Variants in RYK observed in about 807,000 individuals in gnomAD.
The protein encoded by RYK is receptor like tyrosine kinase.
In RYK, 21 loss-of-function variants were observed where a neutral mutation model predicts 70.2. The ratio of observed to expected loss-of-function variants is 0.30; its 90% confidence interval spans 0.21 to 0.43. RYK has a LOEUF of 0.43. RYK is among the 20% of genes least tolerant of loss of function. The probability of loss-of-function intolerance (pLI) is 1.00; values close to 1 mark genes in which losing one functional copy is unlikely to be tolerated. For missense variants in RYK, 604 were observed against 753.3 expected, an observed-to-expected ratio of 0.80 and a Z score of 2.32; for synonymous variants, 267 against 278.0, an observed-to-expected ratio of 0.96 and a Z score of 0.39.
chr3:134,219,152 C>A (rs1198562826), intron 2 of RYK, among the ~76,000 whole-genome samples: 1 of 152,098 alleles, frequency 6.6e-6, no homozygotes, highest in Admixed American at 6.5e-5. Flanking sequence ...ACCAAGGCTT[C>A]TCCTAACCCA....
intron 9 of RYK, among the ~76,000 whole-genome samples, chr3:134,188,156 T>C (rs939081689): frequency 6.4e-5 from 3 of 46,814 alleles, no homozygotes; most frequent in Non-Finnish European, 1.6e-4. Flanking sequence ...TAACAATATA[T>C]ATATATATAT....
At chr3:134,168,538 G>A (rs543356374) in intron 13 of RYK, among the ~76,000 whole-genome samples, 12 of 147,602 alleles carry the variant, frequency 8.1e-5, no homozygotes, top group Non-Finnish European at 1.3e-4. Context: ...ACCAAACACC[G>A]CATGTTCACA....
chr3:134,236,642 T>G (rs536554817), intron 1 of RYK, among the ~76,000 whole-genome samples: 25 of 152,292 alleles, frequency 1.6e-4, no homozygotes, highest in African/African-American at 5.8e-4. Flanking sequence ...AGAACATAGT[T>G]GGAGGACTCA....
chr3:134,167,759 C>A (rs965907222), intron 13 of RYK, among the ~76,000 whole-genome samples: 37 of 152,184 alleles, frequency 2.4e-4, no homozygotes, highest in Admixed American at 4.6e-4. Flanking sequence ...GCAACAAAAG[C>A]CAAAATTGAC....
chr3:134,220,042 T>C (rs973545838), intron 2 of RYK, among the ~76,000 whole-genome samples: 2 of 152,140 alleles, frequency 1.3e-5, no homozygotes, highest in African/African-American at 4.8e-5. Context: ...ATGGGACAAA[T>C]TGGCACCTTG....
chr3:134,195,566 C>A (rs931931568), intron 6 of RYK, among the ~76,000 whole-genome samples: 1 of 152,198 alleles, frequency 6.6e-6, no homozygotes, highest in African/African-American at 2.4e-5. Flanking sequence ...GAAAGACAGG[C>A]CTCTTTCAAT....
chr3:134,164,706 T>A (rs777501931), intron 13 of RYK, among the ~76,000 whole-genome samples: 1 of 152,276 alleles, frequency 6.6e-6, no homozygotes, highest in Non-Finnish European at 1.5e-5. Context: ...AAAGCTGCTA[T>A]GAACATCTGC....
intron 9 of RYK, among the ~76,000 whole-genome samples, chr3:134,183,696 A>G (rs980921832): frequency 6.6e-6 from 1 of 152,230 alleles, no homozygotes; most frequent in Non-Finnish European, 1.5e-5. Context: ...CCCACTGCTA[A>G]GAGTCTCTGT....
intron 2 of RYK, among the ~76,000 whole-genome samples, chr3:134,221,683 A>T (rs1026791754): frequency 6.6e-6 from 1 of 152,194 alleles, no homozygotes; most frequent in African/African-American, 2.4e-5. Context: ...AAAACTCTAC[A>T]ATAGGTATTC....
intron 2 of RYK, among the ~76,000 whole-genome samples, chr3:134,213,921 A>G (rs557810465): frequency 6.6e-6 from 1 of 152,138 alleles, no homozygotes. Context: ...CTCCTGCCTC[A>G]GCCTCCCGAG....
In RYK at chr3:134,202,822, A is replaced by G. The variant is rs2014068264; in HGVS notation, c.696T>C (p.Ser232=). ...PTTSTRVFYI[S]VGVCCAVIFL... ...ATATTACTGCACAACAAACCCCTACACTAATATAAAACACACGCGTAGAAG... is the reference window on the plus strand; with the variant it reads ...ATATTACTGCACAACAAACCCCTACGCTAATATAAAACACACGCGTAGAAG... The change falls in exon 6 of 15, where the codon AGT becomes AGC. Residue 232 remains serine (S), a synonymous_variant. Transcript: ENST00000623711. 1 of 1,613,638 alleles carries G rather than the reference A, an allele frequency of 6.2e-7. No homozygotes were observed. The highest frequency in any genetic ancestry group is 8.5e-7 in the Non-Finnish European group (1 of 1,179,616).
chr3:134,221,650 ACTACT>A (rs1045914512), intron 2 of RYK, among the ~76,000 whole-genome samples: 5 of 152,210 alleles, frequency 3.3e-5, no homozygotes, highest in African/African-American at 9.6e-5. Flanking sequence ...TATGACAGAC[ACTACT>A]CTATAATACT....
At position 134,191,940 on chromosome 3, in the gene RYK, C is replaced by T; in HGVS notation, c.924G>A (p.Leu308=). Residue 308 remains leucine (L), a synonymous_variant, in exon 8 of 15, where the codon TTG becomes TTA. Coordinates refer to ENST00000623711, the MANE Select transcript of RYK (RefSeq NM_002958.4). ...TGGCCTCCAAAAGAGTGACACTTCT[C>T]AAGTCGTTCTTCTCTATCCGCAAGG... The part of the protein sequence containing the change: ...YPTLRIEKND[L]RSVTLLEAKG... The T allele has an allele frequency of 3.1e-6, 5 of 1,613,488 alleles. No homozygotes were observed. Among genetic ancestry groups the T allele is most frequent in the Non-Finnish European group, 4.2e-6 (5 of 1,179,668 alleles).
At chr3:134,173,266 C>T (rs1446880636) in intron 13 of RYK, among the ~76,000 whole-genome samples, 4 of 147,220 alleles carry the variant, frequency 2.7e-5, no homozygotes, top group South Asian at 2.3e-4. Flanking sequence ...GGTGATAGAG[C>T]GAGACTCTGT....
In RYK at chr3:134,185,658, T is replaced by C. The variant is rs147657694; in HGVS notation, c.1103-2587A>G. Among the ~76,000 whole-genome samples, 211 of 152,320 alleles carry C rather than the reference T, an allele frequency of 1.4e-3. 1 individual carries two copies. Among genetic ancestry groups the C allele is most frequent in the Admixed American group, 2.8e-3 (43 of 15,304 alleles). On this transcript the variant is annotated intron_variant, in intron 9 of 14. Transcript: ENST00000623711. The stretch of plus-strand genomic sequence containing the variant: ...CTCTTTCTATAACCTAAATAATTTC[T>C]AATGAAATTATGGCCAGGACTACTG...
chr3:134,222,053 G>A (rs1231456790), intron 2 of RYK, among the ~76,000 whole-genome samples: 7 of 152,104 alleles, frequency 4.6e-5, no homozygotes, highest in Non-Finnish European at 4.4e-5. Flanking sequence ...TGTCTAAAAA[G>A]CCTATCTTAC....
intron 4 of RYK, among the ~76,000 whole-genome samples, chr3:134,207,817 A>G (rs187537187): frequency 9.2e-5 from 14 of 152,346 alleles, no homozygotes; most frequent in Non-Finnish European, 1.6e-4. Context: ...AGTGAACATT[A>G]GAATATAAAG....
At chr3:134,209,591 A>G (rs1360292206) in intron 4 of RYK, 104 bp downstream of exon 4, 2 of 829,704 alleles carry the variant, frequency 2.4e-6, no homozygotes, top group Non-Finnish European at 3.5e-6. Flanking sequence ...ACTTGCAACT[A>G]TAATCATGAG....
At chr3:134,199,462 G>A (rs2013918640) in intron 6 of RYK, among the ~76,000 whole-genome samples, 1 of 152,166 alleles carries the variant, frequency 6.6e-6, no homozygotes, top group South Asian at 2.1e-4. Context: ...ACTGAGTCCC[G>A]CCTGCTCTGC....
Sources: allele counts gnomAD v4.1 joint callset (sites outside exome capture counted in the v4.1 genomes callset), GRCh38; gene constraint gnomAD v4.1.1; transcripts MANE v1.5; gene names NCBI Gene and HGNC (gene_info 2026-07-23, HGNC 2026-07-21).